PCDH9: variants seen among roughly 807,000 people sequenced by gnomAD.
The protein encoded by PCDH9 is protocadherin-9.
In PCDH9, 24 loss-of-function variants were observed where a neutral mutation model predicts 70.6. The observed-to-expected ratio is 0.34, with a 90% CI of 0.25 to 0.48. The LOEUF (loss-of-function observed/expected upper bound fraction) is 0.48. Ranked by LOEUF, PCDH9 falls within the 20% of genes least tolerant of loss-of-function variation. The pLI is 0.99. For missense variants in PCDH9, 1,281 were observed against 1,503.6 expected (o/e 0.85, Z 2.45); for synonymous variants, 562 against 558.5 (o/e 1.01, Z -0.09).
At chr13:67,151,287 G>A (rs953808392) in intron 2 of PCDH9, among the ~76,000 whole-genome samples, 1 of 152,144 alleles carries the variant, frequency 6.6e-6, no homozygotes, top group African/African-American at 2.4e-5. Flanking sequence ...AAACTGATAA[G>A]TAGGGATGGA....
chr13:67,224,947 C>A, intron 2 of PCDH9: 1 of 998,554 alleles, frequency 1.0e-6, no homozygotes, highest in Non-Finnish European at 1.2e-6. Flanking sequence ...AAAAATTAAC[C>A]CCTTTAGCAA....
At chr13:66,569,765 C>G (rs764369871) in intron 4 of PCDH9, among the ~76,000 whole-genome samples, 3 of 151,976 alleles carry the variant, frequency 2.0e-5, no homozygotes, top group Non-Finnish European at 2.9e-5. Flanking sequence ...AAGACAACAC[C>G]AAATGCTGGT....
intron 4 of PCDH9, among the ~76,000 whole-genome samples, chr13:66,401,040 A>C (rs1566297569): frequency 6.6e-6 from 1 of 152,132 alleles, no homozygotes; most frequent in Non-Finnish European, 1.5e-5. Flanking sequence ...GGAAATCGTA[A>C]GTGTGTGAAA....
chr13:66,776,177 G>C (rs1373321360), intron 3 of PCDH9, among the ~76,000 whole-genome samples: 1 of 151,650 alleles, frequency 6.6e-6, no homozygotes, highest in Non-Finnish European at 1.5e-5. Flanking sequence ...ATATCATACT[G>C]AATGGTCAAA....
chr13:67,133,211 C>G (rs1405744198), intron 2 of PCDH9, among the ~76,000 whole-genome samples: 1 of 151,998 alleles, frequency 6.6e-6, no homozygotes, highest in African/African-American at 2.4e-5. Context: ...ATATCTATGA[C>G]AAAAGAAGGG....
chr13:66,659,553 T>TGTGTGTGTGTGTGTGTGTG (rs59132032), intron 3 of PCDH9, among the ~76,000 whole-genome samples: 5,263 of 148,788 alleles, frequency 0.035, 151 homozygotes, highest in African/African-American at 0.054. Flanking sequence ...GTGTGTGTGT[T>TGTGTGTGTGTGTGTGTGTG]TGTGTGTGTT....
At position 66,332,907 on chromosome 13, in the gene PCDH9, T is replaced by C. The variant is rs977091902; in HGVS notation, c.3341-27879A>G. ...TCACAGAACTAAACAGGGATGTGTT[T>C]ATGAATGTTCATTGAGATGACAAGC... is the stretch of plus-strand genomic sequence containing the variant. On this transcript the variant is annotated intron_variant, in intron 4 of 4. Transcript: ENST00000377865. 3.3e-5 allele frequency among the ~76,000 whole-genome samples: 5 copies of C among 152,184 alleles called. No homozygotes were observed. In the East Asian group the frequency reaches 9.7e-4, roughly 29 times the overall value.
rs144044801 is a variant in PCDH9, at chr13:66,372,013, T to G, written c.3341-66985A>C. ...ATGAAGCTATCACCATCTTTAAGAA[T>G]CTGAAGAGACTCCCTCCCACTTCTT... On this transcript the variant is annotated intron_variant, in intron 4 of 4. Transcript: ENST00000377865. 2.4e-4 allele frequency among the ~76,000 whole-genome samples: 36 copies of G among 152,138 alleles called. No homozygotes were observed. The East Asian group carries it at 6.8e-3, about 29-fold the overall frequency.
At chr13:67,058,433 T>G (rs889498461) in intron 2 of PCDH9, among the ~76,000 whole-genome samples, 5 of 152,152 alleles carry the variant, frequency 3.3e-5, no homozygotes, top group Non-Finnish European at 5.9e-5. Context: ...AATCTCATTT[T>G]AAGTTTCCAT....
intron 4 of PCDH9, among the ~76,000 whole-genome samples, chr13:66,538,490 C>T (rs775470069): frequency 2.6e-5 from 4 of 152,074 alleles, no homozygotes; most frequent in Non-Finnish European, 5.9e-5. Flanking sequence ...ACCAACAGGA[C>T]ATATATACAT....
At chr13:66,442,071 G>C (rs1188123284) in intron 4 of PCDH9, among the ~76,000 whole-genome samples, 1 of 152,092 alleles carries the variant, frequency 6.6e-6, no homozygotes, top group Non-Finnish European at 1.5e-5. Flanking sequence ...TACAGGTAAT[G>C]TTTCCAACTA....
At position 66,750,257 on chromosome 13, in the gene PCDH9, T is replaced by C. The variant is rs138246494; in HGVS notation, c.3139-118846A>G. ...GAAATAGATTCACATTTAAAATTAG[T>C]TAATTATCAAACAATAAAAATACTA... is the stretch of plus-strand genomic sequence containing the variant. On this transcript the variant is annotated intron_variant, in intron 3 of 4. Coordinates refer to ENST00000377865, the MANE Select transcript of PCDH9 (RefSeq NM_203487.3). 3.1e-3 allele frequency among the ~76,000 whole-genome samples: 475 copies of C among 152,290 alleles called. 5 individuals are homozygous for C. The highest frequency in any genetic ancestry group is 0.011 in the African/African-American group (462 of 41,542).
At chr13:66,474,879 G>A (rs1413640257) in intron 4 of PCDH9, among the ~76,000 whole-genome samples, 1 of 152,016 alleles carries the variant, frequency 6.6e-6, no homozygotes, top group Non-Finnish European at 1.5e-5. Flanking sequence ...TGAATTCTGA[G>A]GTGGAGCAGA....
intron 3 of PCDH9, among the ~76,000 whole-genome samples, chr13:66,704,495 A>G (rs2078686790): frequency 6.6e-6 from 1 of 152,166 alleles, no homozygotes; most frequent in Admixed American, 6.5e-5. Flanking sequence ...TCATTCCTAA[A>G]CTTAAAATGA....
chr13:66,708,061 A>T (rs1006998862), intron 3 of PCDH9, among the ~76,000 whole-genome samples: 66 of 150,828 alleles, frequency 4.4e-4, no homozygotes, highest in African/African-American at 1.5e-3. Flanking sequence ...TTTTTTTTTT[A>T]TTTTTTGAGA....
intron 4 of PCDH9, among the ~76,000 whole-genome samples, chr13:66,548,443 T>C (rs1410749371): frequency 6.6e-6 from 1 of 151,924 alleles, no homozygotes; most frequent in African/African-American, 2.4e-5. Flanking sequence ...CATGTGCCTG[T>C]AATCTCGGCT....
At chr13:67,098,670 G>A (rs938420992) in intron 2 of PCDH9, among the ~76,000 whole-genome samples, 4 of 151,926 alleles carry the variant, frequency 2.6e-5, no homozygotes, top group Non-Finnish European at 5.9e-5. Flanking sequence ...TTAATGTTTA[G>A]TAATAGGAAA....
At chr13:66,981,656 T>A (rs1383341773) in intron 2 of PCDH9, among the ~76,000 whole-genome samples, 2 of 152,028 alleles carry the variant, frequency 1.3e-5, no homozygotes, top group Admixed American at 1.3e-4. Flanking sequence ...TTATTTAAAT[T>A]CTTGCTATTC....
intron 4 of PCDH9, among the ~76,000 whole-genome samples, chr13:66,594,676 G>A (rs985636459): frequency 1.3e-5 from 2 of 151,172 alleles, no homozygotes; most frequent in African/African-American, 4.9e-5. Flanking sequence ...CCTCCATCAG[G>A]TCCCAGTGTG....
Sources: gnomAD v4.1 joint callset for allele counts (sites outside exome capture counted in the v4.1 genomes callset) on GRCh38, gnomAD v4.1.1 for gene constraint, MANE v1.5 for transcripts, NCBI Gene and HGNC (gene_info 2026-07-23, HGNC 2026-07-21) for gene names.